KLF12: variants seen among roughly 807,000 people sequenced by gnomAD.
The protein encoded by KLF12 is KLF transcription factor 12.
KLF12 carries 9 observed loss-of-function variants against 37.8 expected under a neutral mutation model. The ratio of observed to expected loss-of-function variants is 0.24; its 90% CI spans 0.14 to 0.42. KLF12 has a LOEUF of 0.42. KLF12 is among the 10% of genes least tolerant of loss of function. The pLI, the probability that KLF12 is intolerant of heterozygous loss-of-function variation, is 1.00. For missense variants in KLF12, 411 were observed against 516.0 expected (o/e 0.80, Z 1.97); for synonymous variants, 208 against 202.1 (o/e 1.03, Z -0.25).
intron 1 of KLF12, among the ~76,000 whole-genome samples, chr13:74,025,563 TA>T (rs113282471): frequency 0.083 from 11,569 of 139,876 alleles, 735 homozygotes; most frequent in African/African-American, 0.19. Flanking sequence ...TGTTCAGAGT[TA>T]AAAAAAAAAA....
chr13:73,858,312 A>T (rs1885717051), intron 3 of KLF12, among the ~76,000 whole-genome samples: 1 of 152,224 alleles, frequency 6.6e-6, no homozygotes, highest in Admixed American at 6.5e-5. Flanking sequence ...TCACTAGTAT[A>T]AGTTTTAGAC....
At chr13:74,019,546 C>T (rs1176894212) in intron 1 of KLF12, among the ~76,000 whole-genome samples, 1 of 152,096 alleles carries the variant, frequency 6.6e-6, no homozygotes, top group African/African-American at 2.4e-5. Flanking sequence ...CTTACAAGTC[C>T]CTTGCAACAA....
chr13:74,192,863 C>T, the KLF12 span, among the ~76,000 whole-genome samples: 1 of 152,140 alleles, frequency 6.6e-6, no homozygotes, highest in African/African-American at 2.4e-5. Flanking sequence ...TTCACCTTTC[C>T]CCACTATCAC....
the KLF12 span, among the ~76,000 whole-genome samples, chr13:74,177,566 T>C: frequency 6.6e-6 from 1 of 152,176 alleles, no homozygotes; most frequent in African/African-American, 2.4e-5. Flanking sequence ...GTTTTACTTA[T>C]AAGTTATGGG....
At chr13:73,860,675 T>C (rs1478165380) in intron 3 of KLF12, among the ~76,000 whole-genome samples, 1 of 152,020 alleles carries the variant, frequency 6.6e-6, no homozygotes, top group South Asian at 2.1e-4. Flanking sequence ...GCCCAGAAAA[T>C]CGAGGCTGCA....
chr13:73,933,478 A>AT (rs1889778393), intron 3 of KLF12, among the ~76,000 whole-genome samples: 1 of 152,204 alleles, frequency 6.6e-6, no homozygotes, highest in Non-Finnish European at 1.5e-5. Flanking sequence ...GTTATCAGAC[A>AT]TAAGAATTCC....
intron 1 of KLF12, among the ~76,000 whole-genome samples, chr13:73,999,986 T>C (rs1381671874): frequency 6.6e-6 from 1 of 152,200 alleles, no homozygotes; most frequent in African/African-American, 2.4e-5. Context: ...GGGAGTAATG[T>C]GACCTGGGGT....
chr13:73,879,029 G>C (rs7331935), intron 3 of KLF12, among the ~76,000 whole-genome samples: 33,412 of 152,066 alleles, frequency 0.22, 4,414 homozygotes, highest in East Asian at 0.56. Flanking sequence ...GATCATTTTG[G>C]CTGTGATGGG....
chr13:74,292,815 C>T, the KLF12 span, among the ~76,000 whole-genome samples: 1 of 152,166 alleles, frequency 6.6e-6, no homozygotes, highest in African/African-American at 2.4e-5. Flanking sequence ...TGCCACTAGA[C>T]ATGATTTTAT....
intron 7 of KLF12, among the ~76,000 whole-genome samples, chr13:73,701,411 C>G (rs1453996050): frequency 6.6e-6 from 1 of 152,176 alleles, no homozygotes; most frequent in East Asian, 1.9e-4. Context: ...AAAATAAAGA[C>G]AGCCTACCTA....
intron 1 of KLF12, among the ~76,000 whole-genome samples, chr13:74,104,653 A>G (rs1876552753): frequency 6.6e-6 from 1 of 152,222 alleles, no homozygotes; most frequent in Non-Finnish European, 1.5e-5. Flanking sequence ...TGTTCTATCA[A>G]GAAAACTTTT....
In KLF12 at chr13:73,729,719, AGAG is replaced by A. The variant is rs201421365; in HGVS notation, c.870-14197_870-14195del. Reference sequence around the variant, plus strand: ...TCCTGCTGAGAAAATCAGTAACATGAGAGTAGTAGATTAGTAGCAGTCAGCTGT... The same window carrying A: ...TCCTGCTGAGAAAATCAGTAACATGATAGTAGATTAGTAGCAGTCAGCTGT... On this transcript the variant is annotated intron_variant, in intron 6 of 7. Coordinates refer to ENST00000377669, the MANE Select transcript of KLF12 (RefSeq NM_007249.5). Among the ~76,000 whole-genome samples the A allele has an allele frequency of 5.3e-3, 810 of 152,352 alleles. 6 individuals carry two copies. The highest frequency in any genetic ancestry group is 0.018 in the African/African-American group (753 of 41,586).
the KLF12 span, among the ~76,000 whole-genome samples, chr13:74,301,008 T>C: frequency 6.6e-5 from 10 of 152,136 alleles, no homozygotes; most frequent in African/African-American, 2.2e-4. Context: ...CATGAGAAAA[T>C]TTCCATCAGG....
At chr13:74,078,547 A>G (rs78000494) in intron 1 of KLF12, among the ~76,000 whole-genome samples, 2,751 of 152,316 alleles carry the variant, frequency 0.018, 69 homozygotes, top group African/African-American at 0.062. Flanking sequence ...ATTACTTGTT[A>G]TATTAAATTT....
At chr13:74,187,982 C>G in the KLF12 span, among the ~76,000 whole-genome samples, 1 of 152,136 alleles carries the variant, frequency 6.6e-6, no homozygotes, top group Non-Finnish European at 1.5e-5. Context: ...AGGCCTTACT[C>G]AATTACAATG....
the KLF12 span, among the ~76,000 whole-genome samples, chr13:74,142,497 G>T: frequency 2.0e-5 from 3 of 152,138 alleles, no homozygotes; most frequent in Admixed American, 2.0e-4. Flanking sequence ...CAACTGGGTT[G>T]GCACCTTCTT....
chr13:74,050,389 T>C (rs536505619), intron 1 of KLF12, among the ~76,000 whole-genome samples: 2 of 152,192 alleles, frequency 1.3e-5, no homozygotes, highest in South Asian at 4.1e-4. Flanking sequence ...AAGGATGATA[T>C]GCTTAGCAAA....
chr13:73,711,172 GT>G, intron 7 of KLF12, among the ~76,000 whole-genome samples: 1 of 152,194 alleles, frequency 6.6e-6, no homozygotes, highest in Non-Finnish European at 1.5e-5. Context: ...GGTTCATGAG[GT>G]TTAAGGACAG....
the KLF12 span, among the ~76,000 whole-genome samples, chr13:74,152,929 TAAA>T: frequency 7.6e-6 from 1 of 131,386 alleles, no homozygotes; most frequent in African/African-American, 2.8e-5. Context: ...ATAATAATAA[TAAA>T]AACAGAGGGC....
Sources: gnomAD v4.1 joint callset for allele counts (sites outside exome capture counted in the v4.1 genomes callset) on GRCh38, gnomAD v4.1.1 for gene constraint, MANE v1.5 for transcripts, NCBI Gene and HGNC (gene_info 2026-07-23, HGNC 2026-07-21) for gene names.